VEPH1: variants seen among roughly 807,000 people sequenced by gnomAD.
VEPH1 encodes ventricular zone-expressed PH domain-containing protein homolog 1.
VEPH1 carries 80 observed loss-of-function variants against 85.2 expected under a neutral mutation model. That is an observed-to-expected ratio of 0.94 (90% confidence interval 0.78 to 1.13). VEPH1 has a LOEUF of 1.13. Ranked by LOEUF, VEPH1 falls within the 50% of genes most tolerant of loss-of-function variation. The pLI, the probability that VEPH1 is intolerant of heterozygous loss-of-function variation, is 0.00. For missense variants in VEPH1, 955 were observed against 980.5 expected, an observed-to-expected ratio of 0.97 and a Z score of 0.35; for synonymous variants, 297 against 348.0, an observed-to-expected ratio of 0.85 and a Z score of 1.63.
intron 7 of VEPH1, 190 bp downstream of exon 7, chr3:157,380,966 G>A: frequency 1.6e-6 from 1 of 606,772 alleles, no homozygotes; most frequent in East Asian, 2.9e-5. Flanking sequence ...TAAATTTATT[G>A]TTTTGTTACA....
intron 11 of VEPH1, among the ~76,000 whole-genome samples, chr3:157,293,539 A>C (rs1306945596): frequency 6.6e-6 from 1 of 152,226 alleles, no homozygotes; most frequent in East Asian, 1.9e-4. Context: ...TTCATTTCAG[A>C]GAGAAGCTCT....
chr3:157,463,454 G>A (rs1453546993), intron 3 of VEPH1, among the ~76,000 whole-genome samples: 1 of 152,168 alleles, frequency 6.6e-6, no homozygotes. Context: ...CAGAACCATA[G>A]CCCATAGCCA....
At chr3:157,420,730 G>T (rs1732267262) in intron 5 of VEPH1, among the ~76,000 whole-genome samples, 1 of 152,166 alleles carries the variant, frequency 6.6e-6, no homozygotes, top group African/African-American at 2.4e-5. Context: ...AAAAATCCTA[G>T]AAAATAATTC....
At chr3:157,341,137 C>A (rs1723506739) in intron 9 of VEPH1, among the ~76,000 whole-genome samples, 1 of 152,180 alleles carries the variant, frequency 6.6e-6, no homozygotes. Context: ...TCCAAAGGAA[C>A]ACAGCTCCTC....
chr3:157,388,534 A>G (rs1729536210), intron 6 of VEPH1, among the ~76,000 whole-genome samples: 1 of 152,128 alleles, frequency 6.6e-6, no homozygotes, highest in Non-Finnish European at 1.5e-5. Context: ...TGGAGAATGT[A>G]GGCAGGTAGA....
intron 6 of VEPH1, among the ~76,000 whole-genome samples, chr3:157,393,761 A>G (rs1252542927): frequency 1.3e-5 from 2 of 152,182 alleles, no homozygotes; most frequent in Non-Finnish European, 2.9e-5. Flanking sequence ...TTGCAGAGAA[A>G]CCAATATCAG....
intron 13 of VEPH1, among the ~76,000 whole-genome samples, chr3:157,263,140 A>G (rs1713138070): frequency 6.6e-6 from 1 of 152,170 alleles, no homozygotes; most frequent in Non-Finnish European, 1.5e-5. Flanking sequence ...CTTTCATTTA[A>G]AAGGGGCCCT....
At chr3:157,358,013 G>A (rs1725639579) in intron 9 of VEPH1, among the ~76,000 whole-genome samples, 2 of 152,186 alleles carry the variant, frequency 1.3e-5, no homozygotes, top group Admixed American at 6.5e-5. Flanking sequence ...CCTACTCTTG[G>A]CTGAGGATGT....
intron 11 of VEPH1, among the ~76,000 whole-genome samples, chr3:157,290,508 G>GA (rs377405922): frequency 2.6e-5 from 4 of 152,268 alleles, no homozygotes; most frequent in African/African-American, 4.8e-5. Flanking sequence ...TGAAGAGGAA[G>GA]AAAAAATGAC....
chr3:157,503,011 C>G (rs1740234758), intron 1 of VEPH1, among the ~76,000 whole-genome samples: 1 of 152,180 alleles, frequency 6.6e-6, no homozygotes. Flanking sequence ...AATCTAGAAG[C>G]ACAGCTTTCT....
At chr3:157,452,635 C>T (rs749298465) in intron 4 of VEPH1, among the ~76,000 whole-genome samples, 1 of 151,998 alleles carries the variant, frequency 6.6e-6, no homozygotes, top group Non-Finnish European at 1.5e-5. Flanking sequence ...TATGTTTTGG[C>T]ATTATCTCAT....
Position 157,272,380 on chromosome 3 carries a change from TTTCTTTCTTTCTTTCTTTCTTTC to T in VEPH1, c.2129-6741_2129-6719del, listed in dbSNP as rs1714773176. ...TCTTTCTTTCTTTCTCTTTCTTTTC[TTTCTTTCTTTCTTTCTTTCTTTC>T]TTTCTTTCTTTCTTTCTTTCTTTCT... On this transcript the variant is annotated intron_variant, in intron 12 of 13. Coordinates refer to ENST00000362010, the MANE Select transcript of VEPH1 (RefSeq NM_001167912.2). 5.0e-5 allele frequency among the ~76,000 whole-genome samples: 5 copies of T among 99,256 alleles called. No homozygotes were observed. In the East Asian group the frequency reaches 7.8e-4, roughly 15 times the overall value. 65.1% of individuals were successfully genotyped at this position (99,256 alleles called of 152,430 possible).
chr3:157,261,190 C>A lies in VEPH1; in HGVS notation c.2446G>T (p.Val816Leu). ...CTTTCTTTGGCTTGGGCAACTGCCA[C>A]GTTGATGCACTGGAGCCATTCTTCT... is the stretch of plus-strand genomic sequence containing the variant. Reference protein sequence around the residue: ...NAEEWLQCINVAVAQAKERES... With the variant: ...NAEEWLQCINLAVAQAKERES... The change falls in exon 14 of 14, where the codon GTG becomes TTG. Residue 816 changes from valine to leucine, a missense_variant. By Grantham distance (32) the Val-to-Leu change is conservative. Transcript: ENST00000362010. 1 of 1,613,794 alleles carries A rather than the reference C, an allele frequency of 6.2e-7. No individual in the cohort carries two copies. Among genetic ancestry groups the A allele is most frequent in the Admixed American group, 1.7e-5 (1 of 59,990 alleles).
intron 9 of VEPH1, among the ~76,000 whole-genome samples, chr3:157,340,296 C>T (rs1723399767): frequency 6.6e-6 from 1 of 152,206 alleles, no homozygotes; most frequent in Admixed American, 6.5e-5. Context: ...TGACAGACGG[C>T]ACCTGGAAAA....
At chr3:157,392,085 TC>T (rs1729915139) in intron 6 of VEPH1, among the ~76,000 whole-genome samples, 1 of 152,140 alleles carries the variant, frequency 6.6e-6, no homozygotes, top group East Asian at 1.9e-4. Context: ...TTAAGGGAGT[TC>T]TAAACATGAA....
chr3:157,392,527 C>G (rs893507126), intron 6 of VEPH1, among the ~76,000 whole-genome samples: 1 of 152,074 alleles, frequency 6.6e-6, no homozygotes. Context: ...CAGGGGTGTA[C>G]AATCATTTGG....
intron 6 of VEPH1, among the ~76,000 whole-genome samples, chr3:157,412,713 C>T (rs1019069066): frequency 6.6e-6 from 1 of 152,102 alleles, no homozygotes; most frequent in African/African-American, 2.4e-5. Flanking sequence ...CCAGAGAAAT[C>T]CCCTTTGAAG....
Position 157,495,295 on chromosome 3 carries a change from C to A in VEPH1, c.55G>T (p.Asp19Tyr). The part of the protein sequence containing the change: ...LGQKDLSRAG[D>Y]LFSLDDSEIE... ...TCAGAGTCATCTAAGGAGAAGAGGTCCCCAGCTCGTGAAAGATCTTTTTGT... is the reference window on the plus strand; with the variant it reads ...TCAGAGTCATCTAAGGAGAAGAGGTACCCAGCTCGTGAAAGATCTTTTTGT... The change falls in exon 2 of 14, where the codon GAC becomes TAC. Residue 19 changes from aspartate to tyrosine, a missense_variant. Physicochemically the swap from Asp to Tyr is radical, Grantham distance 160. Transcript: ENST00000362010. The A allele has an allele frequency of 6.2e-7, 1 of 1,614,016 alleles. No individual in the cohort carries two copies. Among genetic ancestry groups the A allele is most frequent in the Non-Finnish European group, 8.5e-7 (1 of 1,179,930 alleles).
intron 9 of VEPH1, among the ~76,000 whole-genome samples, chr3:157,341,967 G>C (rs1425542745): frequency 1.3e-5 from 2 of 152,210 alleles, no homozygotes; most frequent in South Asian, 2.1e-4. Flanking sequence ...TTACAGACAA[G>C]CAAATGCTGA....
Sources: gnomAD v4.1 joint callset for allele counts (sites outside exome capture counted in the v4.1 genomes callset) on GRCh38, gnomAD v4.1.1 for gene constraint, MANE v1.5 for transcripts, NCBI Gene and HGNC (gene_info 2026-07-23, HGNC 2026-07-21) for gene names.